Variants in SLX4IP observed in about 807,000 individuals in gnomAD.
The protein encoded by SLX4IP is SLX4 interacting protein.
In SLX4IP, 34 loss-of-function variants were observed where a neutral mutation model predicts 32.9. The ratio of observed to expected loss-of-function variants is 1.03; its 90% confidence interval spans 0.79 to 1.38. The LOEUF (loss-of-function observed/expected upper bound fraction) is 1.38. Among genes scored for constraint, SLX4IP ranks in the 40% most tolerant of loss-of-function variants. The pLI is 0.00. For missense variants in SLX4IP, 444 were observed against 479.0 expected (o/e 0.93, Z 0.68); for synonymous variants, 172 against 171.7 (o/e 1.00, Z -0.01).
intron 2 of SLX4IP, among the ~76,000 whole-genome samples, chr20:10,477,080 G>A (rs1002675714): frequency 6.6e-6 from 1 of 152,140 alleles, no homozygotes; most frequent in Non-Finnish European, 1.5e-5. Flanking sequence ...GGGTTTTCCC[G>A]TATCAAGAGC....
At chr20:10,567,627 C>T (rs1007776954) in intron 4 of SLX4IP, among the ~76,000 whole-genome samples, 7 of 152,152 alleles carry the variant, frequency 4.6e-5, no homozygotes, top group Non-Finnish European at 1.0e-4. Flanking sequence ...TAAGACAGGG[C>T]TCTTTGGAGA....
At chr20:10,506,750 A>G (rs1432840886) in intron 2 of SLX4IP, among the ~76,000 whole-genome samples, 1 of 152,234 alleles carries the variant, frequency 6.6e-6, no homozygotes, top group African/African-American at 2.4e-5. Flanking sequence ...ATTGTAGAGC[A>G]TGTTCATAAG....
At chr20:10,555,403 G>T (rs2066256770) in intron 2 of SLX4IP, among the ~76,000 whole-genome samples, 1 of 152,118 alleles carries the variant, frequency 6.6e-6, no homozygotes, top group African/African-American at 2.4e-5. Flanking sequence ...TTTTCACAGG[G>T]TCTGTAACTG....
At chr20:10,456,895 T>C (rs2065289707) in intron 1 of SLX4IP, among the ~76,000 whole-genome samples, 1 of 152,238 alleles carries the variant, frequency 6.6e-6, no homozygotes, top group Admixed American at 6.5e-5. Context: ...AAGTCTTTAA[T>C]TTCTTTCAAT....
intron 2 of SLX4IP, among the ~76,000 whole-genome samples, chr20:10,505,471 G>T (rs936786081): frequency 6.6e-6 from 1 of 152,218 alleles, no homozygotes; most frequent in South Asian, 2.1e-4. Flanking sequence ...TCTTTAGCCC[G>T]ACTGTGAACT....
chr20:10,487,945 C>T (rs902259358), intron 2 of SLX4IP, among the ~76,000 whole-genome samples: 1 of 151,968 alleles, frequency 6.6e-6, no homozygotes, highest in African/African-American at 2.4e-5. Flanking sequence ...TTTCATTGTC[C>T]TTTGTGAGAT....
chr20:10,580,992 A>G (rs543310431), intron 4 of SLX4IP, among the ~76,000 whole-genome samples: 2 of 152,224 alleles, frequency 1.3e-5, no homozygotes, highest in African/African-American at 4.8e-5. Context: ...GACTTGTTTA[A>G]CAATGTTGGC....
At chr20:10,531,231 G>A (rs2122464390) in intron 2 of SLX4IP, among the ~76,000 whole-genome samples, 1 of 152,322 alleles carries the variant, frequency 6.6e-6, no homozygotes, top group African/African-American at 2.4e-5. Flanking sequence ...TACCTGCCGT[G>A]ACTTGACAGG....
At chr20:10,605,792 G>T (rs977063233) in intron 6 of SLX4IP, among the ~76,000 whole-genome samples, 4 of 152,158 alleles carry the variant, frequency 2.6e-5, no homozygotes, top group Non-Finnish European at 5.9e-5. Flanking sequence ...TAAGTAGAAG[G>T]ATTACCGGGA....
At chr20:10,493,386 A>T (rs541038399) in intron 2 of SLX4IP, among the ~76,000 whole-genome samples, 1 of 152,232 alleles carries the variant, frequency 6.6e-6, no homozygotes, top group East Asian at 1.9e-4. Context: ...ATTACATTTT[A>T]TAATAGATTA....
chr20:10,495,465 C>T lies in SLX4IP; in HGVS notation c.27+37234C>T, dbSNP rs573817883. ...GTTTAAAGTATAATTAAAAAGAATT[C>T]GTAGTCCAGATTTATTAAATGTAAG... On this transcript the variant is annotated intron_variant, in intron 2 of 7. Coordinates refer to ENST00000334534, the MANE Select transcript of SLX4IP (RefSeq NM_001009608.3). 3.0e-3 allele frequency among the ~76,000 whole-genome samples: 456 copies of T among 152,136 alleles called. 14 individuals are homozygous for T. Among genetic ancestry groups the T allele is most frequent in the Middle Eastern group, 3.4e-3 (1 of 294 alleles).
At chr20:10,604,908 G>T (rs528601656) in intron 6 of SLX4IP, among the ~76,000 whole-genome samples, 4 of 152,252 alleles carry the variant, frequency 2.6e-5, no homozygotes, top group African/African-American at 9.6e-5. Context: ...ATAGGACTGG[G>T]GAGTCTTTTG....
intron 1 of SLX4IP, among the ~76,000 whole-genome samples, chr20:10,455,674 A>G (rs978345242): frequency 2.0e-5 from 3 of 151,702 alleles, no homozygotes; most frequent in Admixed American, 1.3e-4. Flanking sequence ...CAGTGGCGCA[A>G]TCTTGCCACA....
chr20:10,512,748 A>G (rs1320428032), intron 2 of SLX4IP, among the ~76,000 whole-genome samples: 2 of 107,806 alleles, frequency 1.9e-5, no homozygotes, highest in Non-Finnish European at 3.8e-5. Flanking sequence ...GTGTATATAT[A>G]TTTTATGTAT....
intron 2 of SLX4IP, among the ~76,000 whole-genome samples, chr20:10,512,212 A>G (rs2065813382): frequency 6.6e-6 from 1 of 152,240 alleles, no homozygotes; most frequent in African/African-American, 2.4e-5. Flanking sequence ...TTGCAAAAAC[A>G]GGCAACAGCT....
intron 2 of SLX4IP, among the ~76,000 whole-genome samples, chr20:10,519,423 T>C (rs550582276): frequency 6.6e-6 from 1 of 152,366 alleles, no homozygotes; most frequent in East Asian, 1.9e-4. Context: ...TTTGTCTTTA[T>C]AAAAAATTGC....
intron 1 of SLX4IP, among the ~76,000 whole-genome samples, chr20:10,441,375 T>G (rs1372537312): frequency 6.6e-6 from 1 of 152,114 alleles, no homozygotes; most frequent in African/African-American, 2.4e-5. Context: ...AGGTTGAGGT[T>G]TCAGTGAGCC....
At chr20:10,447,782 C>T (rs781381918) in intron 1 of SLX4IP, among the ~76,000 whole-genome samples, 3 of 151,788 alleles carry the variant, frequency 2.0e-5, no homozygotes, top group Non-Finnish European at 4.4e-5. Context: ...CTCACTGCAG[C>T]CTTGAACTCC....
intron 2 of SLX4IP, among the ~76,000 whole-genome samples, chr20:10,539,887 G>C (rs1306981707): frequency 6.6e-6 from 1 of 152,092 alleles, no homozygotes; most frequent in African/African-American, 2.4e-5. Flanking sequence ...GTGATTCTGA[G>C]GTGCTGCCAG....
Sources: allele counts gnomAD v4.1 joint callset (sites outside exome capture counted in the v4.1 genomes callset), GRCh38; gene constraint gnomAD v4.1.1; transcripts MANE v1.5; gene names NCBI Gene and HGNC (gene_info 2026-07-23, HGNC 2026-07-21).